Variants in ZMIZ1 observed in about 807,000 individuals in gnomAD.
ZMIZ1 encodes zinc finger MIZ domain-containing protein 1.
In ZMIZ1, 17 loss-of-function variants were observed where a neutral mutation model predicts 113.9. That is an observed-to-expected ratio of 0.15 (90% confidence interval 0.10 to 0.22). The LOEUF (loss-of-function observed/expected upper bound fraction) is 0.22, where lower values mean the gene tolerates loss of function less well. ZMIZ1 is among the 10% of genes least tolerant of loss of function. ZMIZ1 has a pLI of 1.00. For missense variants in ZMIZ1, 1,059 were observed against 1,477.8 expected (o/e 0.72, Z 4.65); for synonymous variants, 607 against 603.1 (o/e 1.01, Z -0.09).
chr10:79,247,737 T>C (rs1482356281), intron 7 of ZMIZ1, among the ~76,000 whole-genome samples: 1 of 152,224 alleles, frequency 6.6e-6, no homozygotes. Context: ...TCACATTTTC[T>C]GAGACTGAGG....
intron 18 of ZMIZ1, 92 bp downstream of exon 18, chr10:79,302,304 C>T: frequency 7.5e-7 from 1 of 1,333,518 alleles, no homozygotes. Flanking sequence ...TGGAACTGAC[C>T]TTTGCCTCCG....
intron 8 of ZMIZ1, among the ~76,000 whole-genome samples, chr10:79,279,475 C>T (rs796685495): frequency 2.4e-4 from 36 of 150,680 alleles, no homozygotes; most frequent in African/African-American, 8.3e-4. Context: ...TCCTCACTTC[C>T]CAGACTGGGC....
intron 3 of ZMIZ1, among the ~76,000 whole-genome samples, chr10:79,160,751 G>A (rs746146473): frequency 9.2e-5 from 14 of 152,220 alleles, no homozygotes; most frequent in Non-Finnish European, 1.5e-4. Flanking sequence ...GGCCCTTACC[G>A]AGCCCCTTGG....
intron 3 of ZMIZ1, among the ~76,000 whole-genome samples, chr10:79,148,982 G>A (rs368784586): frequency 3.9e-5 from 6 of 152,220 alleles, no homozygotes; most frequent in Non-Finnish European, 8.8e-5. Context: ...AGTGGCCTGC[G>A]CTGGCAGCCA....
chr10:79,103,080 G>A (rs910770961), intron 1 of ZMIZ1, among the ~76,000 whole-genome samples: 2 of 151,792 alleles, frequency 1.3e-5, no homozygotes, highest in Non-Finnish European at 2.9e-5. Flanking sequence ...TGGGGGAGGC[G>A]GCATGTATTT....
chr10:79,247,641 C>G (rs1850290224), intron 7 of ZMIZ1, among the ~76,000 whole-genome samples: 1 of 152,188 alleles, frequency 6.6e-6, no homozygotes, highest in Non-Finnish European at 1.5e-5. Context: ...AGGGTGAGGC[C>G]AGGCCTTAGA....
intron 2 of ZMIZ1, among the ~76,000 whole-genome samples, chr10:79,121,976 T>C (rs182319301): frequency 1.4e-4 from 21 of 152,286 alleles, no homozygotes; most frequent in African/African-American, 4.6e-4. Flanking sequence ...TTAGCTGTGG[T>C]CCAATGCTAA....
Position 79,284,397 on chromosome 10 carries a change from G to A in ZMIZ1, c.426-5378G>A, listed in dbSNP as rs570695857. Among the ~76,000 whole-genome samples the A allele has an allele frequency of 3.4e-3, 511 of 152,256 alleles. 3 individuals are homozygous for A. The highest frequency in any genetic ancestry group is 0.012 in the African/African-American group (488 of 41,562). On this transcript the variant is annotated intron_variant, in intron 8 of 24. Transcript: ENST00000334512. ...TTTGCTGGCTGGTGAAGGGAAGGCA[G>A]AAGAAAAATGAAGAAAGTCTCAGAG...
intron 3 of ZMIZ1, among the ~76,000 whole-genome samples, chr10:79,157,225 C>T (rs533428816): frequency 1.3e-5 from 2 of 152,192 alleles, no homozygotes; most frequent in Non-Finnish European, 2.9e-5. Flanking sequence ...GACCTTACAG[C>T]TCCCTGGTGA....
intron 2 of ZMIZ1, among the ~76,000 whole-genome samples, chr10:79,128,216 T>TCTTTGAGCTGCCA (rs1446832604): frequency 6.6e-6 from 1 of 152,120 alleles, no homozygotes; most frequent in South Asian, 2.1e-4. Context: ...TTGGGTGCCT[T>TCTTTGAGCTGCCA]CTTTGAGCTG....
intron 4 of ZMIZ1, among the ~76,000 whole-genome samples, chr10:79,174,826 C>T (rs1846756872): frequency 1.3e-5 from 2 of 152,340 alleles, no homozygotes; most frequent in South Asian, 4.1e-4. Flanking sequence ...CCAACAGTCC[C>T]ACCCCCTTTG....
intron 23 of ZMIZ1, among the ~76,000 whole-genome samples, chr10:79,309,035 G>A (rs1160401627): frequency 4.8e-4 from 73 of 152,166 alleles, no homozygotes; most frequent in Non-Finnish European, 1.5e-4. Context: ...CTGGAAGTGC[G>A]GATGTGCCAG....
At chr10:79,096,444 G>A (rs566356818) in intron 1 of ZMIZ1, among the ~76,000 whole-genome samples, 2,850 of 152,200 alleles carry the variant, frequency 0.019, 37 homozygotes, top group Non-Finnish European at 0.031. Flanking sequence ...CCCGGGAGGC[G>A]GAGCTTGCAG....
intron 4 of ZMIZ1, among the ~76,000 whole-genome samples, chr10:79,166,356 C>G (rs1046120947): frequency 6.6e-6 from 1 of 152,244 alleles, no homozygotes; most frequent in Non-Finnish European, 1.5e-5. Flanking sequence ...AGCCAACATG[C>G]CACTCCCTCC....
At chr10:79,072,844 G>C (rs1842336139) in intron 1 of ZMIZ1, among the ~76,000 whole-genome samples, 1 of 152,238 alleles carries the variant, frequency 6.6e-6, no homozygotes, top group Non-Finnish European at 1.5e-5. Flanking sequence ...CTGCAGCCTT[G>C]CCTGGCGACA....
At chr10:79,227,774 C>T (rs537344902) in intron 7 of ZMIZ1, among the ~76,000 whole-genome samples, 111 of 152,304 alleles carry the variant, frequency 7.3e-4, no homozygotes, top group African/African-American at 2.6e-3. Flanking sequence ...GCCAGTCACA[C>T]CACCTCCAAG....
At chr10:79,144,018 C>T (rs1845381330) in intron 3 of ZMIZ1, among the ~76,000 whole-genome samples, 1 of 152,170 alleles carries the variant, frequency 6.6e-6, no homozygotes, top group African/African-American at 2.4e-5. Flanking sequence ...GGGACTAGGG[C>T]AGCAGCAGCA....
intron 1 of ZMIZ1, among the ~76,000 whole-genome samples, chr10:79,080,073 G>T (rs551017417): frequency 6.6e-6 from 1 of 152,180 alleles, no homozygotes; most frequent in Non-Finnish European, 1.5e-5. Flanking sequence ...CCAGAGAGCC[G>T]CTGGCCGGCC....
chr10:79,311,169 G>A lies in ZMIZ1; in HGVS notation c.3081G>A (p.Pro1027=), dbSNP rs779284113. 51 of 1,611,730 alleles carry A rather than the reference G, an allele frequency of 3.2e-5. No homozygotes were observed. The highest frequency in any genetic ancestry group is 3.6e-5 in the Non-Finnish European group (42 of 1,178,938). The stretch of plus-strand genomic sequence containing the variant: ...GAGCGCAGGGAGCGTCCGACATGCC[G>A]GAGCCTTCGCTGGATGTAAGTTGGG... ...QAGAQGASDM[P]EPSLDLLPEL... Residue 1027 remains proline, a synonymous_variant, in exon 24 of 25, where the codon CCG becomes CCA. Coordinates refer to ENST00000334512, the MANE Select transcript of ZMIZ1 (RefSeq NM_020338.4).
Sources: allele counts gnomAD v4.1 joint callset (sites outside exome capture counted in the v4.1 genomes callset), GRCh38; gene constraint gnomAD v4.1.1; transcripts MANE v1.5; gene names NCBI Gene and HGNC (gene_info 2026-07-23, HGNC 2026-07-21).